RPS24: variants seen among roughly 807,000 people sequenced by gnomAD.
RPS24 encodes small ribosomal subunit protein eS24.
For synonymous variants in RPS24, 72 were observed against 55.6 expected, an observed-to-expected ratio of 1.30 and a Z score of -1.31; for missense variants, 100 against 162.5, an observed-to-expected ratio of 0.62 and a Z score of 2.09.
At chr10:78,035,817 T>A (rs936841150) in intron 3 of RPS24, 97 bp downstream of exon 3, 4 of 957,058 alleles carry the variant, frequency 4.2e-6, no homozygotes, top group Admixed American at 3.4e-5. Context: ...CCAAGCAATC[T>A]GGGATACAAC....
chr10:78,052,603 C>T (rs1848110006), intron 4 of RPS24, among the ~76,000 whole-genome samples: 1 of 152,164 alleles, frequency 6.6e-6, no homozygotes, highest in African/African-American at 2.4e-5. Flanking sequence ...CTGCTCTGCC[C>T]TATCTCCCTT....
At chr10:78,036,927 C>G (rs1018314271) in intron 3 of RPS24, among the ~76,000 whole-genome samples, 2 of 152,160 alleles carry the variant, frequency 1.3e-5, no homozygotes, top group African/African-American at 4.8e-5. Context: ...TCTGTGAGCT[C>G]AAGTCTGGAC....
intron 3 of RPS24, 85 bp from the exon 4 acceptor site, chr10:78,037,109 C>G: frequency 1.3e-6 from 2 of 1,514,792 alleles, no homozygotes; most frequent in Non-Finnish European, 1.8e-6. Flanking sequence ...TTCTTAAGCT[C>G]AGACTGGGTC....
intron 4 of RPS24, among the ~76,000 whole-genome samples, chr10:78,051,596 C>T (rs1400755455): frequency 1.3e-5 from 2 of 152,176 alleles, no homozygotes; most frequent in African/African-American, 2.4e-5. Context: ...TGGGTATATA[C>T]CTCGGGGTGG....
intron 4 of RPS24, among the ~76,000 whole-genome samples, chr10:78,047,845 G>A (rs1355550817): frequency 1.3e-5 from 2 of 152,230 alleles, no homozygotes; most frequent in African/African-American, 2.4e-5. Flanking sequence ...TCTGCCTACA[G>A]TGCTATGCCT....
intron 3 of RPS24, chr10:78,036,654 AGGT>A (rs1490946550): frequency 6.3e-5 from 10 of 157,766 alleles, no homozygotes; most frequent in Middle Eastern, 3.0e-3. Flanking sequence ...GGCCTTGCTG[AGGT>A]GGTGACATTG....
At chr10:78,055,715 G>A (rs1022765546) in exon 5 of RPS24, 1 of 152,176 alleles carries the variant, frequency 6.6e-6, no homozygotes, top group African/African-American at 2.4e-5. Context: ...TCCCCACCAA[G>A]TTAGGGGCAG....
At chr10:78,036,822 A>G (rs1421233632) in intron 3 of RPS24, among the ~76,000 whole-genome samples, 1 of 152,156 alleles carries the variant, frequency 6.6e-6, no homozygotes, top group Non-Finnish European at 1.5e-5. Flanking sequence ...CTTGTCTGTC[A>G]TAAGGGAGTA....
chr10:78,055,204 C>T (rs1026609954), exon 5 of RPS24: 24 of 898,872 alleles, frequency 2.7e-5, no homozygotes, highest in Admixed American at 1.9e-4. Context: ...CAATCCCCCA[C>T]GACCTGGCCA....
At chr10:78,042,992 C>T (rs1042623889), downstream of RPS24, among the ~76,000 whole-genome samples, 6 of 121,044 alleles carry the variant, frequency 5.0e-5, no homozygotes, top group Admixed American at 8.8e-5. Context: ...CATTAATCTG[C>T]GCGCGCACAC....
intron 4 of RPS24, chr10:78,039,916 A>G (rs996370192): frequency 3.8e-5 from 19 of 496,304 alleles, no homozygotes; most frequent in Middle Eastern, 1.2e-3. Flanking sequence ...GGGCAAGGCC[A>G]TCCTGGGTAC....
At chr10:78,037,571 C>T in intron 4 of RPS24, 1 of 452,294 alleles carries the variant, frequency 2.2e-6, no homozygotes. Flanking sequence ...TGGTGGGCAC[C>T]TTTCAAGCCT....
At chr10:78,037,610 G>A in intron 4 of RPS24, 1 of 363,600 alleles carries the variant, frequency 2.8e-6, no homozygotes, top group Non-Finnish European at 5.1e-6. Context: ...TTTACTAATT[G>A]GCATAGAACC....
chr10:78,055,763 T>G (rs1848144355), exon 5 of RPS24: 2 of 152,216 alleles, frequency 1.3e-5, no homozygotes, highest in Admixed American at 1.3e-4. Context: ...ATATCTTCTT[T>G]TTTTTTTGAG....
intron 1 of RPS24, chr10:78,034,487 C>CT (rs201580790): frequency 6.0e-4 from 92 of 153,206 alleles, no homozygotes; most frequent in South Asian, 2.0e-3. Context: ...TACCAGCAAT[C>CT]TTTTTTTTTT....
At chr10:78,053,721 A>G (rs1366368050) in intron 4 of RPS24, among the ~76,000 whole-genome samples, 1 of 152,106 alleles carries the variant, frequency 6.6e-6, no homozygotes, top group African/African-American at 2.4e-5. Context: ...TTCCCCTCTC[A>G]TAAAAAGCAG....
chr10:78,042,059 G>A (rs897837235), downstream of RPS24, among the ~76,000 whole-genome samples: 1 of 152,188 alleles, frequency 6.6e-6, no homozygotes, highest in Admixed American at 6.5e-5. Flanking sequence ...GTCTTGCTGT[G>A]AGCCTTGTTA....
At chr10:78,035,190 G>A (rs184955692) in intron 1 of RPS24, among the ~76,000 whole-genome samples, 162 bp from the exon 2 acceptor site, 5 of 152,306 alleles carry the variant, frequency 3.3e-5, no homozygotes, top group Admixed American at 1.3e-4. Flanking sequence ...TTCCTTAGGT[G>A]TATCCTGTGA....
intron 4 of RPS24, 47 bp downstream of exon 4, chr10:78,037,351 T>G (rs780338992): frequency 2.6e-6 from 4 of 1,550,304 alleles, no homozygotes; most frequent in Non-Finnish European, 3.5e-6. Context: ...ATTGTAGGTC[T>G]TTAGTTTCTA....
Sources: allele counts gnomAD v4.1 joint callset (sites outside exome capture counted in the v4.1 genomes callset), GRCh38; gene constraint gnomAD v4.1.1; transcripts MANE v1.5; gene names NCBI Gene and HGNC (gene_info 2026-07-23, HGNC 2026-07-21).